DIAPH2: variants seen among roughly 807,000 people sequenced by gnomAD.
The protein encoded by DIAPH2 is diaphanous related formin 2.
DIAPH2 carries 35 observed loss-of-function variants against 92.7 expected under a neutral mutation model. The observed-to-expected ratio is 0.38, with a 90% CI of 0.29 to 0.50. The LOEUF (loss-of-function observed/expected upper bound fraction) is 0.50. Among genes scored for constraint, DIAPH2 ranks in the 20% least tolerant of loss-of-function variants. DIAPH2 has a pLI of 0.94. For synonymous variants in DIAPH2, 301 were observed against 280.4 expected, an observed-to-expected ratio of 1.07 and a Z score of -0.73; for missense variants, 701 against 819.5, an observed-to-expected ratio of 0.86 and a Z score of 1.77.
intron 1 of DIAPH2, among the ~76,000 whole-genome samples, chrX:96,690,130 G>A (rs1374322318): frequency 3.6e-5 from 4 of 110,760 alleles, no homozygotes; most frequent in African/African-American, 1.3e-4. Flanking sequence ...GAATTCTTGT[G>A]ATGTCAGAGC....
rs748523172 is a variant in DIAPH2, at chrX:96,737,549, C to A, written c.166-1037C>A. 6.1e-4 allele frequency among the ~76,000 whole-genome samples: 68 copies of A among 111,184 alleles called. 2 individuals carry two copies. Among genetic ancestry groups the A allele is most frequent in the South Asian group, 5.7e-3 (15 of 2,630 alleles). ...TATGCATGTGCTTCCTAACAGAAAC[C>A]ATAATAAAACTGAGTTGCATTCAGT... On this transcript the variant is annotated intron_variant, in intron 2 of 26. Coordinates refer to ENST00000324765, the MANE Select transcript of DIAPH2 (RefSeq NM_006729.5).
rs188674048 is a variant in DIAPH2, at chrX:97,465,542, G to T, written c.3241+35797G>T. ...TAAGTATACGGGAGGATGTACATAG[G>T]TGATATGCAAATACTATGCCATCTT... On this transcript the variant is annotated intron_variant, in intron 26 of 26. Coordinates refer to ENST00000324765, the MANE Select transcript of DIAPH2 (RefSeq NM_006729.5). Among the ~76,000 whole-genome samples, 61 of 111,603 alleles carry T rather than the reference G, an allele frequency of 5.5e-4. 1 individual carries two copies. Among genetic ancestry groups the T allele is most frequent in the African/African-American group, 2.0e-3 (60 of 30,716 alleles).
intron 26 of DIAPH2, among the ~76,000 whole-genome samples, chrX:97,577,213 G>C (rs929887123): frequency 1.6e-4 from 18 of 112,231 alleles, no homozygotes; most frequent in Admixed American, 1.1e-3. Flanking sequence ...AGATTGAAAA[G>C]ATAGTTTGTA....
At position 97,385,352 on chromosome X, in the gene DIAPH2, C is replaced by T. The variant is rs142347716; in HGVS notation, c.3145+1308C>T. Among the ~76,000 whole-genome samples, 324 of 110,341 alleles carry T rather than the reference C, an allele frequency of 2.9e-3. 1 individual carries two copies. Among genetic ancestry groups the T allele is most frequent in the African/African-American group, 8.6e-3 (261 of 30,336 alleles). The stretch of plus-strand genomic sequence containing the variant: ...GGTTCAAGCAATTCTCCTGCCTCAG[C>T]CTCCCGAGTAGCTGGGATTACAGGT... On this transcript the variant is annotated intron_variant, in intron 25 of 26. Coordinates refer to ENST00000324765, the MANE Select transcript of DIAPH2 (RefSeq NM_006729.5).
At chrX:97,577,511 G>T (rs1169904663) in intron 26 of DIAPH2, among the ~76,000 whole-genome samples, 1 of 112,136 alleles carries the variant, frequency 8.9e-6, no homozygotes, top group African/African-American at 3.2e-5. Context: ...TATTGGAGTC[G>T]AGAGGAGAGA....
chrX:96,996,977 T>C (rs1262552897), intron 17 of DIAPH2, among the ~76,000 whole-genome samples: 1 of 112,183 alleles, frequency 8.9e-6, no homozygotes, highest in Non-Finnish European at 1.9e-5. Context: ...ACCTAATCAG[T>C]GCAGTATATT....
intron 16 of DIAPH2, among the ~76,000 whole-genome samples, chrX:96,962,284 T>TACAC (rs1176040418): frequency 2.7e-5 from 2 of 73,567 alleles, no homozygotes; most frequent in Non-Finnish European, 2.5e-5. Flanking sequence ...CATATATATA[T>TACAC]ACATATATAT....
intron 21 of DIAPH2, among the ~76,000 whole-genome samples, chrX:97,125,963 A>G (rs752242654): frequency 8.9e-6 from 1 of 112,008 alleles, no homozygotes; most frequent in Non-Finnish European, 1.9e-5. Context: ...ATGATGATTT[A>G]TGGAACTAGC....
chrX:97,099,557 G>A, intron 19 of DIAPH2, 137 bp from the exon 20 acceptor site: 2 of 344,061 alleles, frequency 5.8e-6, no homozygotes, highest in Non-Finnish European at 9.8e-6. Flanking sequence ...GGGCGGGGAA[G>A]GGCGGATACT....
chrX:96,738,524 T>C, intron 2 of DIAPH2, 62 bp from the exon 3 acceptor site: 1 of 976,770 alleles, frequency 1.0e-6, no homozygotes, highest in East Asian at 3.1e-5. Flanking sequence ...GTTTCAATTC[T>C]TCATGTTAGT....
intron 22 of DIAPH2, among the ~76,000 whole-genome samples, chrX:97,179,434 C>T (rs998589285): frequency 2.2e-4 from 24 of 110,128 alleles, no homozygotes; most frequent in African/African-American, 7.6e-4. Flanking sequence ...TTGTTCAGCT[C>T]CCACTTATGA....
chrX:96,766,076 G>T (rs1404739569), intron 4 of DIAPH2, among the ~76,000 whole-genome samples: 1 of 110,069 alleles, frequency 9.1e-6, no homozygotes, highest in Non-Finnish European at 1.9e-5. Context: ...TCATTTATAT[G>T]TTCTTTTTCC....
chrX:96,964,908 G>A (rs1028828096), intron 16 of DIAPH2, among the ~76,000 whole-genome samples, 185 bp from the exon 17 acceptor site: 2 of 111,309 alleles, frequency 1.8e-5, no homozygotes, highest in Admixed American at 9.6e-5. Context: ...TCACCATTTC[G>A]TCACATAATT....
intron 12 of DIAPH2, among the ~76,000 whole-genome samples, chrX:96,941,256 G>A (rs1456104960): frequency 1.8e-5 from 2 of 111,459 alleles, no homozygotes; most frequent in Non-Finnish European, 3.8e-5. Context: ...ATTTTTCTCT[G>A]TTGAATTTAT....
intron 4 of DIAPH2, among the ~76,000 whole-genome samples, chrX:96,851,437 G>A (rs2065005704): frequency 8.9e-6 from 1 of 111,768 alleles, no homozygotes. Flanking sequence ...GTTGTCCTTA[G>A]GTGTCTGTGG....
chrX:97,495,889 A>T (rs2070754392), intron 26 of DIAPH2, among the ~76,000 whole-genome samples: 1 of 111,613 alleles, frequency 9.0e-6, no homozygotes, highest in Admixed American at 9.6e-5. Context: ...GGAGAGTTTT[A>T]CTTTGATATG....
chrX:97,294,725 A>C (rs2068628895), intron 23 of DIAPH2, among the ~76,000 whole-genome samples: 1 of 112,011 alleles, frequency 8.9e-6, no homozygotes, highest in Non-Finnish European at 1.9e-5. Context: ...TATGTAGGTC[A>C]TAAAATTGAA....
intron 23 of DIAPH2, among the ~76,000 whole-genome samples, chrX:97,324,038 C>T (rs747074566): frequency 9.0e-6 from 1 of 110,956 alleles, no homozygotes; most frequent in South Asian, 3.8e-4. Flanking sequence ...TAATTTGACT[C>T]TGATAATAAC....
chrX:96,845,609 T>C (rs969597556), intron 4 of DIAPH2, among the ~76,000 whole-genome samples: 1 of 112,283 alleles, frequency 8.9e-6, no homozygotes, highest in African/African-American at 3.2e-5. Flanking sequence ...AGCAGGAAAC[T>C]CCATTTACAA....
Sources: gnomAD v4.1 joint callset for allele counts (sites outside exome capture counted in the v4.1 genomes callset) on GRCh38, gnomAD v4.1.1 for gene constraint, MANE v1.5 for transcripts, NCBI Gene and HGNC (gene_info 2026-07-23, HGNC 2026-07-21) for gene names.